Variants in SDK1 observed in about 807,000 individuals in gnomAD.
The protein encoded by SDK1 is sidekick cell adhesion molecule 1, also known as protein sidekick-1.
Under a neutral mutation model 245.5 loss-of-function variants are expected in SDK1, and 157 were observed. The observed-to-expected ratio is 0.64, with a 90% CI of 0.56 to 0.73. The LOEUF is 0.73. SDK1 is among the 30% of genes least tolerant of loss of function. SDK1 has a pLI of 0.00. For synonymous variants in SDK1, 1,647 were observed against 1,278.5 expected (o/e 1.29, Z -6.15); for missense variants, 3,583 against 3,002.3 (o/e 1.19, Z -4.52).
chr7:3,435,311 AG>A (rs1172099631), intron 1 of SDK1, among the ~76,000 whole-genome samples: 1 of 129,462 alleles, frequency 7.7e-6, no homozygotes, highest in Non-Finnish European at 1.6e-5. Flanking sequence ...TGACTTATGA[AG>A]GGGACTGCCT....
intron 1 of SDK1, among the ~76,000 whole-genome samples, chr7:3,555,064 C>G (rs982432690): frequency 6.6e-6 from 1 of 152,050 alleles, no homozygotes; most frequent in African/African-American, 2.4e-5. Flanking sequence ...GAATTCTTCA[C>G]AGAAATAGAA....
intron 28 of SDK1, among the ~76,000 whole-genome samples, chr7:4,138,889 A>C (rs1779273079): frequency 6.6e-6 from 1 of 152,200 alleles, no homozygotes; most frequent in South Asian, 2.1e-4. Flanking sequence ...AGACCAGCAT[A>C]CCATCACCCC....
At chr7:3,593,785 G>A (rs1445166553) in intron 1 of SDK1, among the ~76,000 whole-genome samples, 1 of 152,180 alleles carries the variant, frequency 6.6e-6, no homozygotes, top group African/African-American at 2.4e-5. Context: ...GAGAACGTAA[G>A]CTCTTGAGAC....
At chr7:3,532,099 T>G (rs927384023) in intron 1 of SDK1, among the ~76,000 whole-genome samples, 1 of 152,192 alleles carries the variant, frequency 6.6e-6, no homozygotes. Flanking sequence ...CTTTCTACCT[T>G]CTTACTTTTC....
intron 32 of SDK1, among the ~76,000 whole-genome samples, chr7:4,167,799 T>C (rs578126297): frequency 3.5e-4 from 54 of 152,344 alleles, no homozygotes; most frequent in Admixed American, 2.7e-3. Context: ...TTTCCAGTCA[T>C]ATAATACTCT....
intron 1 of SDK1, among the ~76,000 whole-genome samples, chr7:3,466,101 A>G (rs1780992249): frequency 2.0e-5 from 3 of 151,866 alleles, no homozygotes; most frequent in Middle Eastern, 3.2e-3. Context: ...ATATGCCTTG[A>G]CTACTACCAT....
At chr7:3,602,448 A>ATG (rs71029685) in intron 1 of SDK1, among the ~76,000 whole-genome samples, 30,583 of 151,164 alleles carry the variant, frequency 0.2, 3,396 homozygotes, top group South Asian at 0.3. Flanking sequence ...GCATTTTTTC[A>ATG]TGTCTTTTGG....
intron 29 of SDK1, among the ~76,000 whole-genome samples, chr7:4,147,911 A>G (rs1201064914): frequency 3.9e-5 from 6 of 152,188 alleles, no homozygotes; most frequent in African/African-American, 1.4e-4. Flanking sequence ...GTGCAGGTGC[A>G]TCACAGACAC....
chr7:4,266,094 A>T lies in SDK1; in HGVS notation c.*710A>T, dbSNP rs1010460934. The T allele has an allele frequency of 1.7e-5, 17 of 985,288 alleles. No homozygotes were observed. Among genetic ancestry groups the T allele is most frequent in the Admixed American group, 6.2e-5 (1 of 16,260 alleles). The allele number at this position is 985,288 out of a possible 1,614,324, so 61.0% of individuals were successfully genotyped here. ...CTTTCCCCCTTCCTTCTCACCTGAC[A>T]GCGAGGGAGAGGGAAGCCTCTTAGG... On this transcript the variant is annotated 3_prime_UTR_variant, in exon 45 of 45. Coordinates refer to ENST00000404826, the MANE Select transcript of SDK1 (RefSeq NM_152744.4).
chr7:3,504,066 C>A (rs1403003347), intron 1 of SDK1, among the ~76,000 whole-genome samples: 1 of 151,804 alleles, frequency 6.6e-6, no homozygotes, highest in African/African-American at 2.4e-5. Flanking sequence ...AGGAGAATTG[C>A]TTGAACCCGG....
chr7:3,751,433 A>G (rs143113143), intron 4 of SDK1, among the ~76,000 whole-genome samples: 2 of 141,020 alleles, frequency 1.4e-5, no homozygotes, highest in African/African-American at 2.6e-5. Context: ...AGAGGACAAG[A>G]TAGAAGAACT....
At chr7:4,017,758 G>A (rs777077611) in intron 17 of SDK1, among the ~76,000 whole-genome samples, 2 of 152,154 alleles carry the variant, frequency 1.3e-5, no homozygotes, top group South Asian at 2.1e-4. Flanking sequence ...TATTTTTAAC[G>A]ACGTAACGTG....
chr7:3,819,470 C>G (rs996859189), intron 4 of SDK1, among the ~76,000 whole-genome samples: 8 of 149,644 alleles, frequency 5.3e-5, no homozygotes, highest in Non-Finnish European at 9.0e-5. Context: ...TGGTAAAAAT[C>G]AGATGTCAAA....
chr7:3,934,983 C>T (rs1360009442), intron 5 of SDK1, among the ~76,000 whole-genome samples: 5 of 152,142 alleles, frequency 3.3e-5, no homozygotes, highest in Non-Finnish European at 7.3e-5. Context: ...GGGGAGGAAG[C>T]CTGGATATTT....
intron 22 of SDK1, among the ~76,000 whole-genome samples, chr7:4,106,865 T>A (rs560017226): frequency 3.4e-4 from 52 of 151,750 alleles, no homozygotes; most frequent in Non-Finnish European, 6.6e-4. Context: ...CAGCAGCCCC[T>A]GTGGCTGAGA....
chr7:3,504,170 A>G (rs537573852), intron 1 of SDK1, among the ~76,000 whole-genome samples: 54 of 105,068 alleles, frequency 5.1e-4, no homozygotes, highest in African/African-American at 1.5e-3. Flanking sequence ...CAAAAAAATT[A>G]TATATATATA....
rs541775214 is a variant in SDK1 at position 3,543,953 on chromosome 7, C to G, written c.299-75127C>G. Among the ~76,000 whole-genome samples the G allele has an allele frequency of 2.0e-5, 3 of 152,306 alleles. No homozygotes were observed. In the East Asian group the frequency reaches 5.8e-4, roughly 29 times the overall value. ...AGCTTTTTTATTTTTGAAAAACGATCATTTCTCTATGCATAGATTATTATC... is the reference window on the plus strand; with the variant it reads ...AGCTTTTTTATTTTTGAAAAACGATGATTTCTCTATGCATAGATTATTATC... On this transcript the variant is annotated intron_variant, in intron 1 of 44. Transcript: ENST00000404826.
At chr7:4,196,765 C>T (rs570307623) in intron 35 of SDK1, among the ~76,000 whole-genome samples, 2 of 152,346 alleles carry the variant, frequency 1.3e-5, no homozygotes, top group East Asian at 3.9e-4. Flanking sequence ...GTGGCTGATG[C>T]CATCCCAGGC....
chr7:3,920,590 C>T (rs1254754828), intron 5 of SDK1, among the ~76,000 whole-genome samples: 1 of 152,138 alleles, frequency 6.6e-6, no homozygotes, highest in African/African-American at 2.4e-5. Flanking sequence ...AGAAGTTCTG[C>T]TTGGATTCGT....
Sources: gnomAD v4.1 joint callset for allele counts (sites outside exome capture counted in the v4.1 genomes callset) on GRCh38, gnomAD v4.1.1 for gene constraint, MANE v1.5 for transcripts, NCBI Gene and HGNC (gene_info 2026-07-23, HGNC 2026-07-21) for gene names.